The following SHMT1 variants were observed in gnomAD, a reference collection of about 807,000 sequenced individuals.
SHMT1 encodes the protein serine hydroxymethyltransferase, cytosolic.
A neutral mutation model predicts 49.0 loss-of-function variants in SHMT1; 45 were observed. The observed-to-expected ratio is 0.92, with a 90% CI of 0.72 to 1.18. SHMT1 has a LOEUF of 1.18. SHMT1 is among the 50% of genes most tolerant of loss of function. SHMT1 has a pLI of 0.00. For missense variants in SHMT1, 541 were observed against 612.4 expected (o/e 0.88, Z 1.23); for synonymous variants, 232 against 246.6 (o/e 0.94, Z 0.55).
At position 18,340,270 on chromosome 17, in the gene SHMT1, G is replaced by T. The variant is rs1208520871; in HGVS notation, c.602-15C>A. ...GCAGCTGGTTCCTGAGACAGGAAAG[G>T]TGACACAGCTGCATCAGAGATGTCC... is the stretch of plus-strand genomic sequence containing the variant. On this transcript the variant is annotated splice_polypyrimidine_tract_variant and intron_variant, in intron 6 of 11. Coordinates refer to ENST00000316694, the MANE Select transcript of SHMT1 (RefSeq NM_004169.5). The surrounding 1 kb of genome is among the most constrained non-coding windows in gnomAD (Gnocchi z 4.5). 1 of 1,613,584 alleles carries T rather than the reference G, an allele frequency of 6.2e-7. No homozygotes were observed. The highest frequency in any genetic ancestry group is 1.3e-5 in the African/African-American group (1 of 75,064).
chr17:18,339,170 T>C (rs151001122), intron 7 of SHMT1, among the ~76,000 whole-genome samples: 146 of 145,630 alleles, frequency 1.0e-3, no homozygotes, highest in Middle Eastern at 3.7e-3. Context: ...ACCTGACCAC[T>C]AACAGGCTTT....
At chr17:18,334,379 G>A (rs760935905) in intron 8 of SHMT1, among the ~76,000 whole-genome samples, 2 of 152,164 alleles carry the variant, frequency 1.3e-5, no homozygotes, top group African/African-American at 4.8e-5. Context: ...ATGAGCCACC[G>A]CGCCCAGCTG....
intron 5 of SHMT1, chr17:18,341,022 G>T: frequency 1.7e-6 from 1 of 599,578 alleles, no homozygotes; most frequent in Admixed American, 2.6e-5. Context: ...GAGTCCCAGG[G>T]TTGTAGTGAG....
chr17:18,330,993 G>A (rs567203488), intron 9 of SHMT1: 66 of 395,076 alleles, frequency 1.7e-4, no homozygotes, highest in African/African-American at 1.3e-3. Flanking sequence ...TAACATTGAT[G>A]GTAAAGGCTC....
chr17:18,346,514 G>T (rs1359635612), intron 5 of SHMT1, among the ~76,000 whole-genome samples: 1 of 152,154 alleles, frequency 6.6e-6, no homozygotes, highest in African/African-American at 2.4e-5. Context: ...ACTTGGCACT[G>T]GTTCTGATGG....
At chr17:18,338,377 C>G (rs967827685) in intron 7 of SHMT1, among the ~76,000 whole-genome samples, 3 of 151,870 alleles carry the variant, frequency 2.0e-5, no homozygotes, top group Non-Finnish European at 4.4e-5. Flanking sequence ...CCCCGCCCAG[C>G]CAGCCGCCCC....
Position 18,330,551 on chromosome 17 carries a change from TCAC to T in SHMT1, c.1171+1_1171+3del. Reference sequence around the variant, plus strand: ...GTGAAGGAGAAGGCAAGGATGATTCTCACCTGGACAGGTGTTCTTGTTGCAGGC... The same window carrying T: ...GTGAAGGAGAAGGCAAGGATGATTCTCTGGACAGGTGTTCTTGTTGCAGGC... On this transcript the variant is annotated splice_donor_variant and splice_donor_region_variant and intron_variant, in intron 10 of 11. Coordinates refer to ENST00000316694, the MANE Select transcript of SHMT1 (RefSeq NM_004169.5). LOFTEE classifies it high-confidence loss of function. 6.3e-7 allele frequency: 1 copy of T among 1,593,748 alleles called. No homozygotes were observed. The highest frequency in any genetic ancestry group is 8.6e-7 in the Non-Finnish European group (1 of 1,161,320).
intron 9 of SHMT1, chr17:18,332,825 C>T (rs776096472): frequency 2.4e-4 from 91 of 384,826 alleles, no homozygotes; most frequent in Non-Finnish European, 3.3e-4. Context: ...ACCACACAGT[C>T]CTGGTGCCAC....
chr17:18,329,430 C>T (rs1157994259), intron 10 of SHMT1, 42 bp from the exon 11 acceptor site: 1 of 1,438,936 alleles, frequency 6.9e-7, no homozygotes, highest in Admixed American at 1.7e-5. Context: ...CACATTGTCA[C>T]CACTGTGATG....
At chr17:18,344,511 GAAAAA>G (rs564245417) in intron 5 of SHMT1, among the ~76,000 whole-genome samples, 1 of 33,138 alleles carries the variant, frequency 3.0e-5, no homozygotes. Context: ...CCACAAAAAG[GAAAAA>G]AAAAAAGATT....
intron 1 of SHMT1, among the ~76,000 whole-genome samples, chr17:18,362,602 G>C (rs995103583): frequency 6.6e-6 from 1 of 152,138 alleles, no homozygotes; most frequent in African/African-American, 2.4e-5. Context: ...GGGATTACAG[G>C]CATGAGCCAC....
chr17:18,355,110 C>T (rs1009186917), intron 2 of SHMT1, among the ~76,000 whole-genome samples: 4 of 137,212 alleles, frequency 2.9e-5, no homozygotes, highest in African/African-American at 8.4e-5. Flanking sequence ...TGGCTCACGC[C>T]TGTAATCCCA....
intron 1 of SHMT1, among the ~76,000 whole-genome samples, chr17:18,356,544 C>A (rs992142738): frequency 2.6e-5 from 4 of 151,544 alleles, no homozygotes; most frequent in Non-Finnish European, 5.9e-5. Context: ...TCACGTTGGT[C>A]AGGCTGGTCT....
chr17:18,354,010 C>T (rs1167087319), intron 2 of SHMT1, among the ~76,000 whole-genome samples, 193 bp from the exon 3 acceptor site: 2 of 152,296 alleles, frequency 1.3e-5, no homozygotes, highest in East Asian at 1.9e-4. Flanking sequence ...TAGCCAGGTG[C>T]GGTGGCTCAC....
intron 5 of SHMT1, among the ~76,000 whole-genome samples, chr17:18,344,845 G>A (rs76667164): frequency 1.8e-3 from 267 of 152,242 alleles, no homozygotes; most frequent in African/African-American, 6.2e-3. Context: ...CAAAATAGAA[G>A]GTTAATGTTG....
At chr17:18,351,582 C>T (rs965390156) in intron 3 of SHMT1, among the ~76,000 whole-genome samples, 1 of 151,806 alleles carries the variant, frequency 6.6e-6, no homozygotes, top group Non-Finnish European at 1.5e-5. Context: ...CACGGTGAAA[C>T]CCCGTCTCTA....
intron 5 of SHMT1, chr17:18,341,206 A>C: frequency 3.9e-6 from 1 of 256,684 alleles, no homozygotes; most frequent in Non-Finnish European, 7.7e-6. Context: ...AAAGAAACAA[A>C]AGGCATAACG....
At chr17:18,347,082 T>A (rs1356947064) in intron 5 of SHMT1, among the ~76,000 whole-genome samples, 1 of 152,202 alleles carries the variant, frequency 6.6e-6, no homozygotes, top group African/African-American at 2.4e-5. Context: ...CTGTAGCTAC[T>A]GCATCCTTGT....
chr17:18,347,533 G>A lies in SHMT1; in HGVS notation c.482C>T (p.Ser161Phe). ...AGATTCAAAGAAGATGGACGTGGCAGAGATTTTCTTCTTGTCTGTCATGAA... is the reference window on the plus strand; with the variant it reads ...AGATTCAAAGAAGATGGACGTGGCAAAGATTTTCTTCTTGTCTGTCATGAA... ...HGFMTDKKKI[S>F]ATSIFFESMP... The change falls in exon 5 of 12, where the codon TCT becomes TTT. Residue 161 changes from serine to phenylalanine, a missense_variant. Ser to Phe is a radical substitution (Grantham distance 155). Coordinates refer to ENST00000316694, the MANE Select transcript of SHMT1 (RefSeq NM_004169.5). 1 of 1,614,182 alleles carries A rather than the reference G, an allele frequency of 6.2e-7. No individual in the cohort carries two copies. The highest frequency in any genetic ancestry group is 8.5e-7 in the Non-Finnish European group (1 of 1,180,030).
Sources: gnomAD v4.1 joint callset for allele counts (sites outside exome capture counted in the v4.1 genomes callset) on GRCh38, gnomAD v4.1.1 for gene constraint, Gnocchi (gnomAD v3.1) non-coding constraint, MANE v1.5 for transcripts, NCBI Gene and HGNC (gene_info 2026-07-23, HGNC 2026-07-21) for gene names.